DCHS2: variants seen among roughly 807,000 people sequenced by gnomAD.
The protein encoded by DCHS2 is protocadherin-23.
A neutral mutation model predicts 182.4 loss-of-function variants in DCHS2; 142 were observed. The ratio of observed to expected loss-of-function variants is 0.78; its 90% CI spans 0.68 to 0.89. The LOEUF (loss-of-function observed/expected upper bound fraction) is 0.89, where lower values mean the gene tolerates loss of function less well. Ranked by LOEUF, DCHS2 falls within the 40% of genes least tolerant of loss-of-function variation. DCHS2 has a pLI of 0.00. For missense variants in DCHS2, 4,319 were observed against 4,198.6 expected (o/e 1.03, Z -0.79); for synonymous variants, 1,740 against 1,663.3 (o/e 1.05, Z -1.12).
At chr4:154,310,541 G>A (rs1332036542) in intron 10 of DCHS2, among the ~76,000 whole-genome samples, 1 of 152,178 alleles carries the variant, frequency 6.6e-6, no homozygotes, top group Non-Finnish European at 1.5e-5. Flanking sequence ...TTTCCCAAGA[G>A]ATCAGAGGAC....
At chr4:154,396,077 T>C (rs1012498370) in intron 1 of DCHS2, among the ~76,000 whole-genome samples, 3 of 152,210 alleles carry the variant, frequency 2.0e-5, no homozygotes, top group Non-Finnish European at 4.4e-5. Flanking sequence ...AAATTGAGCA[T>C]GATCAGCTGA....
chr4:154,275,382 T>C (rs1561004014), intron 13 of DCHS2, among the ~76,000 whole-genome samples: 1 of 152,172 alleles, frequency 6.6e-6, no homozygotes, highest in Non-Finnish European at 1.5e-5. Flanking sequence ...ACGGTTATTC[T>C]TTTCAAGCCA....
At chr4:154,333,651 G>T in intron 4 of DCHS2, 157 bp from the exon 5 acceptor site, 1 of 725,138 alleles carries the variant, frequency 1.4e-6, no homozygotes, top group Non-Finnish European at 2.2e-6. Flanking sequence ...TTCTGACACC[G>T]TATTTTATTG....
intron 10 of DCHS2, among the ~76,000 whole-genome samples, chr4:154,310,094 CCCATAA>C (rs1735613414): frequency 6.6e-6 from 1 of 152,100 alleles, no homozygotes; most frequent in Non-Finnish European, 1.5e-5. Flanking sequence ...CATGTAAATA[CCCATAA>C]CCAGAGTCAG....
chr4:154,380,787 A>G (rs1731133043), intron 1 of DCHS2, among the ~76,000 whole-genome samples: 1 of 152,140 alleles, frequency 6.6e-6, no homozygotes, highest in Admixed American at 6.6e-5. Context: ...ATATTGACCT[A>G]GTATTCTCAA....
chr4:154,306,314 A>G (rs1231076538), intron 10 of DCHS2, among the ~76,000 whole-genome samples: 1 of 152,138 alleles, frequency 6.6e-6, no homozygotes, highest in Non-Finnish European at 1.5e-5. Flanking sequence ...TTGATATGAC[A>G]TGGTCAGAGG....
At position 154,379,890 on chromosome 4, in the gene DCHS2, T is replaced by C. The variant is rs144103411; in HGVS notation, c.2053-2446A>G. Among the ~76,000 whole-genome samples the C allele has an allele frequency of 7.9e-3, 1,209 of 152,278 alleles. 17 individuals carry two copies. The highest frequency in any genetic ancestry group is 0.027 in the African/African-American group (1,138 of 41,562). On this transcript the variant is annotated intron_variant, in intron 1 of 19. Coordinates refer to ENST00000357232, the MANE Select transcript of DCHS2 (RefSeq NM_001358235.2). ...GCTATTTTGAAGTAGTCTAGCTTAG[T>C]GGTTCTCAACTAGGGACAAGTTTGC...
chr4:154,242,965 G>A (rs1560978050), intron 16 of DCHS2, among the ~76,000 whole-genome samples, 193 bp from the exon 17 acceptor site: 1 of 151,764 alleles, frequency 6.6e-6, no homozygotes, highest in Non-Finnish European at 1.5e-5. Context: ...TTTATTTTTG[G>A]CATGTTCAGA....
At chr4:154,402,740 C>A (rs568124128) in intron 1 of DCHS2, among the ~76,000 whole-genome samples, 2 of 152,082 alleles carry the variant, frequency 1.3e-5, no homozygotes, top group African/African-American at 4.8e-5. Flanking sequence ...GTTGGGAAGG[C>A]GTGCTTTGTT....
rs1733175312 is a variant in DCHS2 at position 154,265,056 on chromosome 4, CTATA to C, written c.6577+4840_6577+4843del. On this transcript the variant is annotated intron_variant, in intron 14 of 19. Transcript: ENST00000357232. Reference sequence around the variant, plus strand: ...CTAGCCACCGAAATAAGAAAAATAACTATATAACTTCAGACAGGGGAAAGTGGTC... The same window carrying C: ...CTAGCCACCGAAATAAGAAAAATAACTAACTTCAGACAGGGGAAAGTGGTC... Among the ~76,000 whole-genome samples, 3 of 152,156 alleles carry C rather than the reference CTATA, an allele frequency of 2.0e-5. No individual in the cohort carries two copies. In the South Asian group the frequency reaches 6.2e-4, roughly 32 times the overall value.
chr4:154,237,340 TGTAAGA>T (rs1731581539), intron 19 of DCHS2, 181 bp from the exon 20 acceptor site: 1 of 826,134 alleles, frequency 1.2e-6, no homozygotes, highest in Admixed American at 3.6e-5. Context: ...GTTTATAACA[TGTAAGA>T]TACAGAAATA....
In DCHS2 at chr4:154,298,512, G is replaced by A. The variant is rs781669858; in HGVS notation, c.5802C>T (p.Pro1934=). Residue 1934 remains proline (P), a synonymous_variant, in exon 13 of 20, where the codon CCC becomes CCT. Coordinates refer to ENST00000357232, the MANE Select transcript of DCHS2 (RefSeq NM_001358235.2). ...LDANDHSPSF[P]TLYYQSSVRE... ...TCACAGAGGACTGGTAATAAAGTGT[G>A]GGAAAAGAAGGACTGTGGTCATTGG... 4 of 1,613,966 alleles carry A rather than the reference G, an allele frequency of 2.5e-6. No individual in the cohort carries two copies. Among genetic ancestry groups the A allele is most frequent in the Non-Finnish European group, 3.4e-6 (4 of 1,179,992 alleles).
chr4:154,330,902 A>G (rs1469294660), intron 5 of DCHS2, among the ~76,000 whole-genome samples: 2 of 152,188 alleles, frequency 1.3e-5, no homozygotes, highest in Non-Finnish European at 2.9e-5. Flanking sequence ...CTGAATGGCA[A>G]ACAGATTTTT....
intron 3 of DCHS2, 52 bp from the exon 4 acceptor site, chr4:154,335,156 G>A: frequency 8.5e-7 from 1 of 1,173,456 alleles, no homozygotes; most frequent in Non-Finnish European, 1.3e-6. Context: ...AATAAATACT[G>A]ATGAGCAATA....
chr4:154,490,629 G>T lies in DCHS2; in HGVS notation c.727C>A (p.Leu243Met). 1 of 1,550,558 alleles carries T rather than the reference G, an allele frequency of 6.4e-7. No homozygotes were observed. The highest frequency in any genetic ancestry group is 1.2e-5 in the South Asian group (1 of 84,038). The change falls in exon 1 of 20, where the codon CTG becomes ATG. Residue 243 changes from leucine to methionine, a missense_variant. Physicochemically the swap from Leu to Met is conservative, Grantham distance 15. Transcript: ENST00000357232. ...SPLLPGSSSP[L>M]EPLDLVLLRR... The stretch of plus-strand genomic sequence containing the variant: ...AGCAGCACCAGATCTAGAGGCTCCA[G>T]GGGTGACGAGGAGCCTGGCAAAAGC...
Position 154,234,166 on chromosome 4 carries a change from G to A in DCHS2, c.*370C>T, listed in dbSNP as rs17031277. On this transcript the variant is annotated 3_prime_UTR_variant, in exon 20 of 20. Coordinates refer to ENST00000357232, the MANE Select transcript of DCHS2 (RefSeq NM_001358235.2). ...ACTAGTTTGTTTTTGATATAGCAGT[G>A]TGATCAGCAGCAATGTGACCAGAGT... 11,092 of 168,418 alleles carry A rather than the reference G, an allele frequency of 0.066. 957 individuals carry two copies. The highest frequency in any genetic ancestry group is 0.19 in the African/African-American group (8,167 of 41,918). The allele number at this position is 168,418 out of a possible 1,614,324, so 10.4% of individuals were successfully genotyped here. A position where few individuals can be genotyped will look rare whatever the true frequency, so the allele number is the denominator to read the frequency against.
At chr4:154,327,942 A>G in intron 7 of DCHS2, 151 bp downstream of exon 7, 1 of 449,514 alleles carries the variant, frequency 2.2e-6, no homozygotes, top group Non-Finnish European at 3.8e-6. Flanking sequence ...ACAATAGCAA[A>G]TGTATTTTGT....
At chr4:154,306,948 A>C (rs1388991067) in intron 10 of DCHS2, among the ~76,000 whole-genome samples, 2 of 152,064 alleles carry the variant, frequency 1.3e-5, no homozygotes, top group Non-Finnish European at 2.9e-5. Context: ...TCCAGATTTT[A>C]TTTTGTTCTA....
chr4:154,489,658 G>C lies in DCHS2; in HGVS notation c.1698C>G (p.Ala566=). The C allele has an allele frequency of 1.9e-6, 3 of 1,551,628 alleles. No individual in the cohort carries two copies. The highest frequency in any genetic ancestry group is 2.6e-6 in the Non-Finnish European group (3 of 1,146,946). Residue 566 remains alanine (A), a synonymous_variant, in exon 1 of 20, where the codon GCC becomes GCG. Transcript: ENST00000357232. ...AGGCGTGATCACTGCCTGCCTCGTC[G>C]GCATCGGAGGCGCTGACCCACATGA... is the stretch of plus-strand genomic sequence containing the variant. The part of the protein sequence containing the change: ...TVVMWVSASD[A]DEAGSDHAWL...
Sources: allele counts gnomAD v4.1 joint callset (sites outside exome capture counted in the v4.1 genomes callset), GRCh38; gene constraint gnomAD v4.1.1; transcripts MANE v1.5; gene names NCBI Gene and HGNC (gene_info 2026-07-23, HGNC 2026-07-21).